PITPNC1: variants seen among roughly 807,000 people sequenced by gnomAD.
PITPNC1 encodes the protein phosphatidylinositol transfer protein cytoplasmic 1.
PITPNC1 carries 18 observed loss-of-function variants against 44.7 expected under a neutral mutation model. The ratio of observed to expected loss-of-function variants is 0.40; its 90% confidence interval spans 0.28 to 0.60. The LOEUF (loss-of-function observed/expected upper bound fraction) is 0.60. PITPNC1 is among the 20% of genes least tolerant of loss of function. The pLI is 0.39. For missense variants in PITPNC1, 290 were observed against 418.4 expected (o/e 0.69, Z 2.68); for synonymous variants, 141 against 149.6 (o/e 0.94, Z 0.42).
chr17:67,537,404 G>C (rs2040544646), intron 2 of PITPNC1, among the ~76,000 whole-genome samples: 1 of 152,096 alleles, frequency 6.6e-6, no homozygotes, highest in African/African-American at 2.4e-5. Context: ...TTATTATACA[G>C]CAGGAAAAAT....
At chr17:67,625,183 T>A (rs2364964) in intron 5 of PITPNC1, among the ~76,000 whole-genome samples, 42,893 of 151,878 alleles carry the variant, frequency 0.28, 6,245 homozygotes, top group East Asian at 0.46. Context: ...TCTCCCTGTC[T>A]CTGATAAATA....
At chr17:67,583,813 A>G (rs776569009) in intron 5 of PITPNC1, among the ~76,000 whole-genome samples, 31 of 149,724 alleles carry the variant, frequency 2.1e-4, no homozygotes, top group Non-Finnish European at 4.1e-4. Context: ...CTCCTGCCTC[A>G]GCCTCCAGAG....
At chr17:67,443,472 C>T (rs2039045740) in intron 1 of PITPNC1, among the ~76,000 whole-genome samples, 1 of 151,646 alleles carries the variant, frequency 6.6e-6, no homozygotes, top group South Asian at 2.1e-4. Flanking sequence ...TACCGGTGTC[C>T]CTAGTTCCAC....
chr17:67,381,627 C>T (rs1403946512), intron 1 of PITPNC1, among the ~76,000 whole-genome samples: 3 of 152,016 alleles, frequency 2.0e-5, no homozygotes, highest in African/African-American at 7.2e-5. Flanking sequence ...CCACCGCACC[C>T]TGCTAATTTT....
intron 1 of PITPNC1, among the ~76,000 whole-genome samples, chr17:67,414,842 G>C (rs1217497616): frequency 6.6e-6 from 1 of 151,950 alleles, no homozygotes; most frequent in Non-Finnish European, 1.5e-5. Context: ...GTGTTCTATA[G>C]AGTTTTTCTG....
chr17:67,664,184 C>T (rs1280409872), intron 6 of PITPNC1, among the ~76,000 whole-genome samples: 1 of 152,096 alleles, frequency 6.6e-6, no homozygotes, highest in Non-Finnish European at 1.5e-5. Context: ...AGGCTGGTCT[C>T]GAACTCCTGA....
intron 2 of PITPNC1, among the ~76,000 whole-genome samples, chr17:67,543,496 A>G (rs1308632184): frequency 3.9e-5 from 6 of 152,206 alleles, no homozygotes; most frequent in African/African-American, 1.4e-4. Context: ...TGTCTTTTTG[A>G]TGATAGCCAT....
intron 8 of PITPNC1, among the ~76,000 whole-genome samples, chr17:67,691,402 T>C (rs1359642491): frequency 2.6e-5 from 4 of 152,344 alleles, no homozygotes; most frequent in Admixed American, 2.6e-4. Flanking sequence ...TTATTAACAG[T>C]GGTATCACTG....
intron 7 of PITPNC1, among the ~76,000 whole-genome samples, chr17:67,670,758 A>AG (rs2042500009): frequency 1.3e-5 from 2 of 151,142 alleles, no homozygotes; most frequent in African/African-American, 4.8e-5. Context: ...CTCAAAAAAA[A>AG]AAAAAAAAAA....
chr17:67,444,507 CTT>C (rs548171642), intron 1 of PITPNC1, among the ~76,000 whole-genome samples: 80 of 152,156 alleles, frequency 5.3e-4, no homozygotes, highest in African/African-American at 1.9e-3. Context: ...ACTGGAGACT[CTT>C]TTAGTTTTAT....
chr17:67,504,053 G>C (rs1179561485), intron 1 of PITPNC1, among the ~76,000 whole-genome samples: 2 of 152,134 alleles, frequency 1.3e-5, no homozygotes, highest in African/African-American at 4.8e-5. Flanking sequence ...AGAACAACTT[G>C]ATTCTGTGCT....
chr17:67,602,402 C>T (rs1039328563), intron 5 of PITPNC1, among the ~76,000 whole-genome samples: 5 of 151,990 alleles, frequency 3.3e-5, no homozygotes, highest in Admixed American at 3.3e-4. Flanking sequence ...AGATTCAAGA[C>T]CCCAGTGGAG....
chr17:67,541,992 G>A (rs1422651606), intron 2 of PITPNC1, among the ~76,000 whole-genome samples: 1 of 152,194 alleles, frequency 6.6e-6, no homozygotes, highest in Non-Finnish European at 1.5e-5. Context: ...AGGGTGTCCT[G>A]AAGCAGATTC....
At chr17:67,591,346 C>T (rs1005888896) in intron 5 of PITPNC1, among the ~76,000 whole-genome samples, 1 of 152,280 alleles carries the variant, frequency 6.6e-6, no homozygotes, top group African/African-American at 2.4e-5. Context: ...GGAACCTAAA[C>T]TGGAGAAAAA....
chr17:67,587,017 A>G (rs984839983), intron 5 of PITPNC1, among the ~76,000 whole-genome samples: 7 of 152,178 alleles, frequency 4.6e-5, no homozygotes, highest in Admixed American at 6.5e-5. Flanking sequence ...GGAACAAAAT[A>G]GGGATGATCT....
intron 1 of PITPNC1, among the ~76,000 whole-genome samples, chr17:67,429,262 T>C (rs1223230397): frequency 1.3e-5 from 2 of 152,240 alleles, no homozygotes; most frequent in Non-Finnish European, 2.9e-5. Flanking sequence ...AATGATTTCA[T>C]GAACCACTGA....
chr17:67,523,817 T>C (rs960329399), intron 1 of PITPNC1, among the ~76,000 whole-genome samples: 1 of 148,362 alleles, frequency 6.7e-6, no homozygotes, highest in Non-Finnish European at 1.5e-5. Flanking sequence ...GTTTTTTTTT[T>C]TTTTTTTTTT....
chr17:67,408,851 A>G (rs969010178), intron 1 of PITPNC1: 2 of 152,076 alleles, frequency 1.3e-5, no homozygotes, highest in Non-Finnish European at 2.9e-5. Flanking sequence ...TGAACAATCA[A>G]TTGAGATAAC....
chr17:67,481,777 T>A (rs1484430718), intron 1 of PITPNC1, among the ~76,000 whole-genome samples: 8 of 146,392 alleles, frequency 5.5e-5, no homozygotes, highest in South Asian at 2.1e-4. Context: ...TTTGAAGATT[T>A]AAAAAAAAAA....
Sources: allele counts gnomAD v4.1 joint callset (sites outside exome capture counted in the v4.1 genomes callset), GRCh38; gene constraint gnomAD v4.1.1; transcripts MANE v1.5; gene names NCBI Gene and HGNC (gene_info 2026-07-23, HGNC 2026-07-21).